The following COL1A2 variants were observed in gnomAD, a reference collection of about 807,000 sequenced individuals.
COL1A2 encodes the protein collagen alpha-2(I) chain.
COL1A2 carries 49 observed loss-of-function variants against 174.3 expected under a neutral mutation model. The observed-to-expected ratio is 0.28, with a 90% CI of 0.22 to 0.36. The LOEUF (loss-of-function observed/expected upper bound fraction) is 0.36. Ranked by LOEUF, COL1A2 falls within the 10% of genes least tolerant of loss-of-function variation. The probability of loss-of-function intolerance (pLI) is 1.00; values close to 1 mark genes in which losing one functional copy is unlikely to be tolerated. For missense variants in COL1A2, 1,438 were observed against 1,822.7 expected (o/e 0.79, Z 3.84); for synonymous variants, 655 against 606.6 (o/e 1.08, Z -1.17).
chr7:94,421,929 C>G lies in COL1A2; in HGVS notation c.2380C>G (p.Arg794Gly). ...GMTGFPGAAG[R>G]TGPPGPSGIS... is the part of the protein sequence containing the mutation. ...GACTGGTTTCCCTGGTGCTGCTGGACGGACTGGTCCCCCAGGACCCTCTGT... is the reference window on the plus strand; with the variant it reads ...GACTGGTTTCCCTGGTGCTGCTGGAGGGACTGGTCCCCCAGGACCCTCTGT... Residue 794 changes from arginine (R) to glycine (G), a missense_variant, in exon 39 of 52, where the codon CGG becomes GGG. By Grantham distance (125) the Arg-to-Gly change is moderately radical. This residue lies in a region of COL1A2 where 867 missense variants were observed against 1,213.7 expected (regional missense o/e 0.71). Coordinates refer to ENST00000297268, the MANE Select transcript of COL1A2 (RefSeq NM_000089.4). 1 of 1,614,122 alleles carries G rather than the reference C, an allele frequency of 6.2e-7. No homozygotes were observed. Among genetic ancestry groups the G allele is most frequent in the Non-Finnish European group, 8.5e-7 (1 of 1,179,988 alleles).
intron 33 of COL1A2, 134 bp from the exon 34 acceptor site, chr7:94,419,364 G>T (rs945236337): frequency 3.1e-6 from 3 of 976,418 alleles, no homozygotes; most frequent in Middle Eastern, 2.2e-4. Flanking sequence ...ATACATCAGA[G>T]GCCTTCTAGA....
rs377577833 is a variant in COL1A2 at position 94,425,633 on chromosome 7, C to A, written c.2805C>A (p.Pro935=). The change falls in exon 43 of 52, where the codon CCC becomes CCA. Residue 935 remains proline, a synonymous_variant. Coordinates refer to ENST00000297268, the MANE Select transcript of COL1A2 (RefSeq NM_000089.4). The stretch of plus-strand genomic sequence containing the variant: ...AGGGCAACCCTGGGAACGATGGTCC[C>A]CCAGGTCGCGATGGTCAACCCGGAC... ...GRDGNPGNDG[P]PGRDGQPGHK... The A allele has an allele frequency of 6.2e-7, 1 of 1,613,960 alleles. No individual in the cohort carries two copies. Among genetic ancestry groups the A allele is most frequent in the African/African-American group, 1.3e-5 (1 of 74,904 alleles).
In COL1A2 at chr7:94,428,366, C is replaced by A; in HGVS notation, c.3600C>A (p.Gly1200=). 2 of 1,613,972 alleles carry A rather than the reference C, an allele frequency of 1.2e-6. No homozygotes were observed. The highest frequency in any genetic ancestry group is 2.2e-5 in the East Asian group (1 of 44,872). ...AAGTATACTGTGATTTCTCTACTGG[C>A]GAAACCTGTATCCGGGCCCAACCTG... ...AIKVYCDFST[G]ETCIRAQPEN... is the part of the protein sequence containing the mutation. Residue 1200 remains glycine (G), a synonymous_variant, in exon 50 of 52, where the codon GGC becomes GGA. Transcript: ENST00000297268.
intron 34 of COL1A2, 133 bp from the exon 35 acceptor site, chr7:94,420,098 CTG>C (rs1792124906): frequency 8.7e-7 from 1 of 1,153,620 alleles, no homozygotes; most frequent in Non-Finnish European, 1.3e-6. Context: ...TCATTTTACT[CTG>C]TGAGATGTGC....
chr7:94,408,245 TTCCA>T lies in COL1A2; in HGVS notation c.693+11_693+14del. The T allele has an allele frequency of 1.2e-6, 2 of 1,613,096 alleles. No homozygotes were observed. The highest frequency in any genetic ancestry group is 1.7e-6 in the Non-Finnish European group (2 of 1,179,652). Reference sequence around the variant, plus strand: ...GTGCCCCTGGCCCAGCTGTAAGTGCTTCCATTTTTGTTCAGTTTCATCCTTTTAA... The same window carrying T: ...GTGCCCCTGGCCCAGCTGTAAGTGCTTTTTTGTTCAGTTTCATCCTTTTAA... On this transcript the variant is annotated intron_variant, in intron 14 of 51. Transcript: ENST00000297268.
At chr7:94,408,689 C>T (rs562595450) in intron 15 of COL1A2, 81 bp from the exon 16 acceptor site, 86 of 1,462,378 alleles carry the variant, frequency 5.9e-5, no homozygotes, top group Non-Finnish European at 7.2e-5. Context: ...CCACTGTAAG[C>T]AACTTCAATC....
chr7:94,413,399 T>A (rs1258169798), intron 26 of COL1A2, among the ~76,000 whole-genome samples: 1 of 152,246 alleles, frequency 6.6e-6, no homozygotes, highest in African/African-American at 2.4e-5. Context: ...GGTATGAATA[T>A]GTAGTAGCAT....
chr7:94,420,095 A>G, intron 34 of COL1A2, 138 bp from the exon 35 acceptor site: 4 of 1,134,736 alleles, frequency 3.5e-6, no homozygotes, highest in Non-Finnish European at 5.4e-6. Context: ...ACTTCATTTT[A>G]CTCTGTGAGA....
intron 21 of COL1A2, 152 bp from the exon 22 acceptor site, chr7:94,410,737 C>G (rs1791903491): frequency 1.1e-6 from 1 of 939,210 alleles, no homozygotes; most frequent in African/African-American, 1.6e-5. Context: ...GGATGCTCAT[C>G]TATGAATTCC....
intron 40 of COL1A2, 156 bp downstream of exon 40, chr7:94,423,274 G>C: frequency 1.2e-6 from 1 of 840,236 alleles, no homozygotes; most frequent in Non-Finnish European, 1.9e-6. Flanking sequence ...ACACACTGAG[G>C]GGCTGTGGCT....
intron 46 of COL1A2, chr7:94,426,797 G>A (rs1392732796): frequency 3.2e-6 from 2 of 627,532 alleles, no homozygotes; most frequent in East Asian, 5.4e-5. Context: ...ATAATTAGAG[G>A]AATGACTAAT....
intron 6 of COL1A2, among the ~76,000 whole-genome samples, chr7:94,402,138 A>G (rs1791701056): frequency 1.3e-5 from 2 of 152,258 alleles, no homozygotes; most frequent in South Asian, 4.1e-4. Flanking sequence ...CCAGGTAACT[A>G]ATGACATAAC....
chr7:94,405,670 A>G lies in COL1A2; in HGVS notation c.487-3A>G, dbSNP rs1412050983. The G allele has an allele frequency of 6.2e-7, 1 of 1,610,786 alleles. No homozygotes were observed. The highest frequency in any genetic ancestry group is 1.1e-5 in the South Asian group (1 of 91,000). ...TTCACCATCTTCTGTATTTCTTTCT[A>G]AGGGTGCTCGTGGTTTCCCTGGAAC... is the stretch of plus-strand genomic sequence containing the variant. On this transcript the variant is annotated splice_polypyrimidine_tract_variant and splice_region_variant and intron_variant, in intron 10 of 51. Transcript: ENST00000297268.
chr7:94,405,405 AAAATGCATATACATTTTATTCATGC>A (rs1791775637), intron 10 of COL1A2, among the ~76,000 whole-genome samples, 153 bp downstream of exon 10: 1 of 152,250 alleles, frequency 6.6e-6, no homozygotes, highest in Non-Finnish European at 1.5e-5. Context: ...TAGTTAAAAA[AAAATGCATATACATTTTATTCATGC>A]AAATAATGGA....
chr7:94,399,787 T>C (rs1246076365), intron 4 of COL1A2, among the ~76,000 whole-genome samples: 4 of 152,210 alleles, frequency 2.6e-5, no homozygotes, highest in Non-Finnish European at 5.9e-5. Flanking sequence ...GTCACATCAG[T>C]TAATTCATTC....
chr7:94,400,350 GA>G (rs1791666790), intron 5 of COL1A2, 62 bp downstream of exon 5: 1 of 1,404,278 alleles, frequency 7.1e-7, no homozygotes, highest in Non-Finnish European at 1.0e-6. Flanking sequence ...GTTTATTGTG[GA>G]ATTTATTTTT....
intron 38 of COL1A2, chr7:94,421,542 C>T (rs1792164239): frequency 2.6e-5 from 10 of 387,134 alleles, no homozygotes; most frequent in South Asian, 1.6e-4. Context: ...TACCACTCAG[C>T]CAGGTGGTAA....
Position 94,421,932 on chromosome 7 carries a change from A to G in COL1A2, c.2383A>G (p.Thr795Ala). The G allele has an allele frequency of 6.2e-7, 1 of 1,614,122 alleles. No homozygotes were observed. The highest frequency in any genetic ancestry group is 8.5e-7 in the Non-Finnish European group (1 of 1,180,010). ...TGGTTTCCCTGGTGCTGCTGGACGG[A>G]CTGGTCCCCCAGGACCCTCTGTAAG... ...MTGFPGAAGR[T>A]GPPGPSGISG... The change falls in exon 39 of 52, where the codon ACT becomes GCT. Residue 795 changes from threonine (T) to alanine (A), a missense_variant. By Grantham distance (58) the Thr-to-Ala change is moderately conservative. This residue lies in a region of COL1A2 where 867 missense variants were observed against 1,213.7 expected (regional missense o/e 0.71). Transcript: ENST00000297268.
Position 94,410,514 on chromosome 7 carries a change from C to A in COL1A2, c.1184C>A (p.Pro395His). 6.5e-6 allele frequency: 10 copies of A among 1,549,500 alleles called. No homozygotes were observed. Among genetic ancestry groups the A allele is most frequent in the Non-Finnish European group, 8.7e-6 (10 of 1,146,722 alleles). Residue 395 changes from proline (P) to histidine (H), a missense_variant, in exon 21 of 52, where the codon CCT becomes CAT. By Grantham distance (77) the Pro-to-His change is moderately conservative (BLOSUM62 -2). Transcript: ENST00000297268. Reference protein sequence around the residue: ...GEAGSAGPPGPPGLRGSPGSR... With the variant: ...GEAGSAGPPGHPGLRGSPGSR... ...GCTGGATCTGCCGGCCCTCCAGGAC[C>A]TCCTGGGCTGAGAGTAGGTTTCAAA...
Sources: allele counts gnomAD v4.1 joint callset (sites outside exome capture counted in the v4.1 genomes callset), GRCh38; gene constraint gnomAD v4.1.1; regional missense constraint gnomAD v4.1.1; transcripts MANE v1.5; gene names NCBI Gene and HGNC (gene_info 2026-07-23, HGNC 2026-07-21).